PHACTR1: variants seen among roughly 807,000 people sequenced by gnomAD.
PHACTR1 encodes the protein phosphatase and actin regulator 1.
Under a neutral mutation model 69.2 loss-of-function variants are expected in PHACTR1, and 16 were observed. The observed-to-expected ratio is 0.23, with a 90% CI of 0.16 to 0.35. The LOEUF is 0.35. Among genes scored for constraint, PHACTR1 ranks in the 10% least tolerant of loss-of-function variants. The pLI is 1.00. For missense variants in PHACTR1, 510 were observed against 734.7 expected (o/e 0.69, Z 3.54); for synonymous variants, 312 against 284.5 (o/e 1.10, Z -0.97).
At chr6:12,805,798 A>G (rs954578875) in intron 4 of PHACTR1, among the ~76,000 whole-genome samples, 1 of 152,010 alleles carries the variant, frequency 6.6e-6, no homozygotes, top group Non-Finnish European at 1.5e-5. Context: ...ACAGGGTTTC[A>G]CCACATTGGC....
At chr6:13,041,917 G>A (rs1350643630) in intron 4 of PHACTR1, among the ~76,000 whole-genome samples, 4 of 152,052 alleles carry the variant, frequency 2.6e-5, no homozygotes, top group African/African-American at 4.8e-5. Context: ...CTGTGTCTCG[G>A]TTCCTTTAAC....
chr6:13,053,122 C>T (rs1806212199), intron 4 of PHACTR1, among the ~76,000 whole-genome samples: 1 of 152,164 alleles, frequency 6.6e-6, no homozygotes, highest in South Asian at 2.1e-4. Context: ...CTTTCTCTTC[C>T]TCCTCCAGCC....
chr6:12,909,758 G>A (rs541821467), intron 4 of PHACTR1, among the ~76,000 whole-genome samples: 53 of 152,348 alleles, frequency 3.5e-4, no homozygotes, highest in African/African-American at 1.2e-3. Flanking sequence ...CATCCTGGCT[G>A]CTGCTGTGAC....
intron 12 of PHACTR1, among the ~76,000 whole-genome samples, chr6:13,279,016 C>T (rs1171556771): frequency 7.2e-6 from 1 of 139,506 alleles, no homozygotes; most frequent in Non-Finnish European, 1.5e-5. Context: ...TGCTATGACC[C>T]TGGGAAAGTA....
At chr6:12,957,385 G>A (rs1265276556) in intron 4 of PHACTR1, 1 of 985,288 alleles carries the variant, frequency 1.0e-6, no homozygotes, top group African/African-American at 1.7e-5. Context: ...GATTGGGGAC[G>A]GCCGAGGCAG....
chr6:12,949,274 A>G (rs1193679772), intron 4 of PHACTR1, among the ~76,000 whole-genome samples: 1 of 149,794 alleles, frequency 6.7e-6, no homozygotes. Flanking sequence ...CATCTCAAAA[A>G]AAAAAAAAAA....
At chr6:13,168,535 C>T (rs148505424) in intron 6 of PHACTR1, among the ~76,000 whole-genome samples, 84 of 152,308 alleles carry the variant, frequency 5.5e-4, no homozygotes, top group African/African-American at 1.4e-3. Flanking sequence ...CCAAGCCAGG[C>T]GTCTCTGGCT....
chr6:13,247,189 C>G (rs943628255), intron 10 of PHACTR1, among the ~76,000 whole-genome samples: 1 of 152,118 alleles, frequency 6.6e-6, no homozygotes, highest in Admixed American at 6.5e-5. Context: ...AATAGGTAGA[C>G]AGATAAACAG....
intron 10 of PHACTR1, among the ~76,000 whole-genome samples, chr6:13,231,485 A>G (rs939724389): frequency 1.3e-5 from 2 of 152,074 alleles, no homozygotes; most frequent in Non-Finnish European, 2.9e-5. Flanking sequence ...GGAAAGAAGG[A>G]AGGAAGGAAG....
chr6:12,818,354 G>A (rs1007771233), intron 4 of PHACTR1, among the ~76,000 whole-genome samples: 3 of 152,158 alleles, frequency 2.0e-5, no homozygotes, highest in African/African-American at 7.2e-5. Flanking sequence ...GGCTAGCTTT[G>A]GCCTGTATCC....
intron 4 of PHACTR1, among the ~76,000 whole-genome samples, chr6:13,047,377 CAAAAAAAAAAAAA>C (rs35293642): frequency 2.7e-3 from 149 of 54,796 alleles, no homozygotes; most frequent in African/African-American, 7.6e-3. Flanking sequence ...AACCCTGTCT[CAAAAAAAAAAAAA>C]AAAAAAAAAA....
chr6:13,063,501 C>T (rs1053036232), intron 5 of PHACTR1, among the ~76,000 whole-genome samples: 4 of 151,920 alleles, frequency 2.6e-5, no homozygotes, highest in Admixed American at 2.6e-4. Context: ...TGTCCAGTCA[C>T]GGTGACTCAT....
intron 8 of PHACTR1, among the ~76,000 whole-genome samples, chr6:13,222,663 G>C (rs1478927438): frequency 6.6e-6 from 1 of 152,230 alleles, no homozygotes; most frequent in Middle Eastern, 3.2e-3. Flanking sequence ...CTCTAGGCCA[G>C]TGGCTCCTAA....
Position 13,030,966 on chromosome 6 carries a change from G to C in PHACTR1, c.251-22399G>C, listed in dbSNP as rs575541013. 1.1e-3 allele frequency among the ~76,000 whole-genome samples: 169 copies of C among 152,250 alleles called. 2 individuals carry two copies. Among genetic ancestry groups the C allele is most frequent in the African/African-American group, 4.0e-3 (168 of 41,556 alleles). ...TTGCAGGATGTTCAGCAGTATCCTG[G>C]CCTCCACTCACTAGATGCCAGTAGC... On this transcript the variant is annotated intron_variant, in intron 4 of 14. Coordinates refer to ENST00000332995, the MANE Select transcript of PHACTR1 (RefSeq NM_030948.6).
At chr6:13,089,823 G>A (rs1174983555) in intron 5 of PHACTR1, among the ~76,000 whole-genome samples, 10 of 152,172 alleles carry the variant, frequency 6.6e-5, no homozygotes, top group Non-Finnish European at 1.5e-5. Context: ...GGTAACCACA[G>A]TGGAACAAAC....
chr6:13,111,744 A>G (rs1817070216), intron 5 of PHACTR1, among the ~76,000 whole-genome samples: 1 of 152,200 alleles, frequency 6.6e-6, no homozygotes, highest in African/African-American at 2.4e-5. Context: ...TGCAGAGCTA[A>G]TAATCAACTC....
chr6:13,267,627 G>C (rs893044230), intron 10 of PHACTR1: 1 of 152,100 alleles, frequency 6.6e-6, no homozygotes, highest in African/African-American at 2.4e-5. Flanking sequence ...GGAAACTGTT[G>C]ATCCAGTTTT....
rs532745236 is a variant in PHACTR1 at position 12,837,915 on chromosome 6, T to C, written c.250+88125T>C. Among the ~76,000 whole-genome samples the C allele has an allele frequency of 4.6e-5, 7 of 152,356 alleles. No individual in the cohort carries two copies. The South Asian group carries it at 1.4e-3, about 32-fold the overall frequency. On this transcript the variant is annotated intron_variant, in intron 4 of 14. Transcript: ENST00000332995. ...TAGCTGGATCCTCTGCTTCAGTGTC[T>C]CACAAAGCTGCAAAGGTGTTGGCCA...
At chr6:12,734,597 A>C (rs1763999633) in intron 3 of PHACTR1, among the ~76,000 whole-genome samples, 1 of 152,176 alleles carries the variant, frequency 6.6e-6, no homozygotes, top group African/African-American at 2.4e-5. Context: ...CTGGAAGAAA[A>C]ATAATATCCA....
Sources: gnomAD v4.1 joint callset for allele counts (sites outside exome capture counted in the v4.1 genomes callset) on GRCh38, gnomAD v4.1.1 for gene constraint, MANE v1.5 for transcripts, NCBI Gene and HGNC (gene_info 2026-07-23, HGNC 2026-07-21) for gene names.